The following PKN2 variants were observed in gnomAD, a reference collection of about 807,000 sequenced individuals.
PKN2 encodes protein kinase N2, also known as serine/threonine-protein kinase N2.
PKN2 carries 38 observed loss-of-function variants against 119.1 expected under a neutral mutation model. That is an observed-to-expected ratio of 0.32 (90% CI 0.25 to 0.42). The LOEUF (loss-of-function observed/expected upper bound fraction) is 0.42, where lower values mean the gene tolerates loss of function less well. Among genes scored for constraint, PKN2 ranks in the 10% least tolerant of loss-of-function variants. The pLI is 1.00. For synonymous variants in PKN2, 390 were observed against 384.9 expected (o/e 1.01, Z -0.15); for missense variants, 850 against 1,165.1 (o/e 0.73, Z 3.94).
chr1:88,688,328 G>A (rs1366946340), intron 1 of PKN2, among the ~76,000 whole-genome samples: 6 of 151,954 alleles, frequency 3.9e-5, no homozygotes, highest in East Asian at 3.9e-4. Context: ...CTCGTGATTC[G>A]CTTGCCTCGG....
chr1:88,789,592 G>A (rs1670727414), intron 8 of PKN2, among the ~76,000 whole-genome samples: 1 of 151,922 alleles, frequency 6.6e-6, no homozygotes, highest in Admixed American at 6.6e-5. Context: ...AAACCCCGGA[G>A]GCAGAGGTTG....
chr1:88,809,237 A>G (rs1473525936), intron 15 of PKN2, among the ~76,000 whole-genome samples: 1 of 152,176 alleles, frequency 6.6e-6, no homozygotes, highest in Non-Finnish European at 1.5e-5. Context: ...GATATTTATA[A>G]AATATTCTGA....
rs1367916922 is a variant in PKN2 at position 88,757,768 on chromosome 1, C to T, written c.350-2454C>T. 3.3e-5 allele frequency among the ~76,000 whole-genome samples: 5 copies of T among 151,962 alleles called. No homozygotes were observed. The East Asian group carries it at 5.8e-4, about 18-fold the overall frequency. On this transcript the variant is annotated intron_variant, in intron 2 of 21. Coordinates refer to ENST00000370521, the MANE Select transcript of PKN2 (RefSeq NM_006256.4). ...AAGGTAAGTGTTCCAACAGGCTGGGCGTGGTGGCTCACACCTGTAATCCCA... is the reference window on the plus strand; with the variant it reads ...AAGGTAAGTGTTCCAACAGGCTGGGTGTGGTGGCTCACACCTGTAATCCCA...
At chr1:88,770,320 T>A in intron 3 of PKN2, 32 bp from the exon 4 acceptor site, 1 of 1,259,206 alleles carries the variant, frequency 7.9e-7, no homozygotes, top group East Asian at 2.3e-5. Flanking sequence ...TCCCTTTATT[T>A]GCTTAATTTT....
chr1:88,701,726 A>G, intron 1 of PKN2, among the ~76,000 whole-genome samples: 1 of 152,212 alleles, frequency 6.6e-6, no homozygotes, highest in South Asian at 2.1e-4. Context: ...TATTGTTTTC[A>G]ATAAATCCGA....
At chr1:88,821,284 A>G (rs900087298) in intron 16 of PKN2, among the ~76,000 whole-genome samples, 1 of 152,160 alleles carries the variant, frequency 6.6e-6, no homozygotes, top group Non-Finnish European at 1.5e-5. Context: ...CTTTTCATCT[A>G]TAATATGATA....
At chr1:88,743,392 C>G (rs1447204382) in intron 2 of PKN2, among the ~76,000 whole-genome samples, 1 of 152,128 alleles carries the variant, frequency 6.6e-6, no homozygotes, top group Admixed American at 6.5e-5. Context: ...GCCATAGGAA[C>G]CCGCTGATCC....
At chr1:88,772,402 A>T (rs1669933414) in intron 6 of PKN2, among the ~76,000 whole-genome samples, 2 of 152,206 alleles carry the variant, frequency 1.3e-5, no homozygotes, top group Admixed American at 6.5e-5. Context: ...ACCCAACATG[A>T]TGCTCAAAGG....
chr1:88,719,781 ATTC>A (rs1477127752), intron 1 of PKN2, among the ~76,000 whole-genome samples: 4 of 152,148 alleles, frequency 2.6e-5, no homozygotes, highest in African/African-American at 9.7e-5. Flanking sequence ...CAACATTCTT[ATTC>A]TTACTGTCCA....
chr1:88,756,429 GA>G (rs1669205026), intron 2 of PKN2, among the ~76,000 whole-genome samples: 1 of 152,078 alleles, frequency 6.6e-6, no homozygotes, highest in Non-Finnish European at 1.5e-5. Flanking sequence ...GTCTTGTGGG[GA>G]AATAGTAAGT....
chr1:88,833,607 C>A lies in PKN2; in HGVS notation c.*159C>A. The stretch of plus-strand genomic sequence containing the variant: ...TTTGTTTAAAAGTACCATTCTAATA[C>A]TTCTTCAAAAGTGGCTCCTCATTGT... On this transcript the variant is annotated 3_prime_UTR_variant, in exon 22 of 22. Coordinates refer to ENST00000370521, the MANE Select transcript of PKN2 (RefSeq NM_006256.4). 1 of 610,622 alleles carries A rather than the reference C, an allele frequency of 1.6e-6. No individual in the cohort carries two copies. The highest frequency in any genetic ancestry group is 2.1e-5 in the South Asian group (1 of 48,340). 37.8% of individuals were successfully genotyped at this position (610,622 alleles called of 1,614,324 possible). A position where few individuals can be genotyped will look rare whatever the true frequency, so the allele number is the denominator to read the frequency against.
intron 2 of PKN2, among the ~76,000 whole-genome samples, chr1:88,751,653 C>T (rs535218685): frequency 1.3e-5 from 2 of 152,162 alleles, no homozygotes; most frequent in Admixed American, 6.5e-5. Flanking sequence ...AGCTTCAATT[C>T]CACAAATTAG....
At position 88,684,523 on chromosome 1, in the gene PKN2, G is replaced by T. The variant is rs1176795222; in HGVS notation, c.-58G>T. On this transcript the variant is annotated 5_prime_UTR_variant, in exon 1 of 22. Coordinates refer to ENST00000370521, the MANE Select transcript of PKN2 (RefSeq NM_006256.4). The stretch of plus-strand genomic sequence containing the variant: ...TCACCCCCACCCCGAGCCCCGTCCC[G>T]CCTTCTCCCTTCGCCAGAGGCGGCC... 21 of 1,129,446 alleles carry T rather than the reference G, an allele frequency of 1.9e-5. No individual in the cohort carries two copies. Among genetic ancestry groups the T allele is most frequent in the Non-Finnish European group, 2.4e-5 (20 of 829,182 alleles). 70.0% of individuals were successfully genotyped at this position (1,129,446 alleles called of 1,614,324 possible).
rs573034878 is a variant in PKN2, at chr1:88,775,779, G to T, written c.985+3900G>T. 1.1e-4 allele frequency among the ~76,000 whole-genome samples: 16 copies of T among 152,144 alleles called. 1 individual carries two copies. The South Asian group carries it at 3.3e-3, about 32-fold the overall frequency. ...TGCATTAGTCTTTTAAATCATAAAG[G>T]AAACAAAAAGAAGAGTTACTTAAAA... On this transcript the variant is annotated intron_variant, in intron 6 of 21. Coordinates refer to ENST00000370521, the MANE Select transcript of PKN2 (RefSeq NM_006256.4).
chr1:88,793,178 T>C (rs565969004), intron 8 of PKN2, among the ~76,000 whole-genome samples: 1 of 152,334 alleles, frequency 6.6e-6, no homozygotes, highest in East Asian at 1.9e-4. Context: ...CTCTTGACTA[T>C]AAATGGTGCC....
chr1:88,824,978 T>TA (rs1672438136), intron 18 of PKN2, among the ~76,000 whole-genome samples: 2 of 152,168 alleles, frequency 1.3e-5, no homozygotes, highest in South Asian at 4.1e-4. Context: ...TCCCCAATTA[T>TA]AAAAAAATGG....
intron 1 of PKN2, among the ~76,000 whole-genome samples, chr1:88,700,233 A>T (rs1291784127): frequency 6.6e-6 from 1 of 152,102 alleles, no homozygotes; most frequent in Non-Finnish European, 1.5e-5. Flanking sequence ...TATCTTTGTA[A>T]TAGAACCATT....
intron 1 of PKN2, among the ~76,000 whole-genome samples, chr1:88,688,767 A>G (rs1217056664): frequency 2.0e-5 from 3 of 152,196 alleles, no homozygotes; most frequent in Non-Finnish European, 4.4e-5. Context: ...TTATACTCAC[A>G]TGTAACCTAG....
chr1:88,731,816 G>C (rs1339952079), intron 1 of PKN2, among the ~76,000 whole-genome samples: 1 of 152,094 alleles, frequency 6.6e-6, no homozygotes, highest in African/African-American at 2.4e-5. Flanking sequence ...TGAAGTACTT[G>C]GTCACGAGTG....
Sources: allele counts gnomAD v4.1 joint callset (sites outside exome capture counted in the v4.1 genomes callset), GRCh38; gene constraint gnomAD v4.1.1; transcripts MANE v1.5; gene names NCBI Gene and HGNC (gene_info 2026-07-23, HGNC 2026-07-21).